LHX8: variants seen among roughly 807,000 people sequenced by gnomAD.
The protein encoded by LHX8 is LIM homeobox 8, also known as LIM/homeobox protein Lhx8.
A neutral mutation model predicts 40.3 loss-of-function variants in LHX8; 12 were observed. That is an observed-to-expected ratio of 0.30 (90% confidence interval 0.19 to 0.48). The LOEUF is 0.48. Among genes scored for constraint, LHX8 ranks in the 20% least tolerant of loss-of-function variants. LHX8 has a pLI of 0.99. For synonymous variants in LHX8, 179 were observed against 162.0 expected (o/e 1.10, Z -0.80); for missense variants, 344 against 433.7 (o/e 0.79, Z 1.84).
At chr1:75,150,869 G>T (rs1223633953) in intron 7 of LHX8, among the ~76,000 whole-genome samples, 2 of 151,888 alleles carry the variant, frequency 1.3e-5, no homozygotes, top group East Asian at 3.9e-4. Flanking sequence ...TAGAGACGGG[G>T]TTTCACCATG....
Position 75,134,557 on chromosome 1 carries a change from G to C in LHX8, c.-410G>C, listed in dbSNP as rs1648064746. ...ATCGGGGCGGGGGAGGGGGGAGATC[G>C]GCAGACACGGACAGCCTCTGACCCT... On this transcript the variant is annotated 5_prime_UTR_variant, in exon 1 of 9. Coordinates refer to ENST00000356261, the MANE Select transcript of LHX8 (RefSeq NM_001256114.2). Among the ~76,000 whole-genome samples the C allele has an allele frequency of 6.6e-6, 1 of 151,912 alleles. No individual in the cohort carries two copies. The highest frequency in any genetic ancestry group is 6.6e-5 in the Admixed American group (1 of 15,248).
the LHX8 span, among the ~76,000 whole-genome samples, chr1:75,184,831 T>TTC: frequency 1.3e-5 from 2 of 150,688 alleles, no homozygotes; most frequent in Non-Finnish European, 3.0e-5. Context: ...GTTTTTTTTT[T>TTC]TTTGGAAAAT....
chr1:75,174,413 T>G, the LHX8 span, among the ~76,000 whole-genome samples: 1 of 152,270 alleles, frequency 6.6e-6, no homozygotes, highest in South Asian at 2.1e-4. Context: ...TCAGCTATAG[T>G]CCCTCCCTAC....
At chr1:75,198,551 C>T in the LHX8 span, among the ~76,000 whole-genome samples, 373 of 152,108 alleles carry the variant, frequency 2.5e-3, 1 homozygote, top group Middle Eastern at 0.014. Flanking sequence ...TGCCTGTGGT[C>T]GCAGAGTGAC....
the LHX8 span, among the ~76,000 whole-genome samples, chr1:75,177,743 G>C: frequency 6.6e-6 from 1 of 152,158 alleles, no homozygotes; most frequent in Non-Finnish European, 1.5e-5. Flanking sequence ...GGGCATCCCT[G>C]TCTTGTGCCA....
At chr1:75,152,686 C>T (rs1426335020) in intron 7 of LHX8, among the ~76,000 whole-genome samples, 1 of 152,142 alleles carries the variant, frequency 6.6e-6, no homozygotes, top group Admixed American at 6.5e-5. Flanking sequence ...TGCATAGGGC[C>T]TTTATACAAA....
chr1:75,157,122 C>A (rs1277461048), intron 8 of LHX8, 46 bp downstream of exon 8: 3 of 1,549,246 alleles, frequency 1.9e-6, no homozygotes, highest in Non-Finnish European at 2.7e-6. Flanking sequence ...CAATCAGCAA[C>A]TGGTAACTTC....
chr1:75,137,687 C>T (rs1648193316), intron 3 of LHX8, among the ~76,000 whole-genome samples: 1 of 152,214 alleles, frequency 6.6e-6, no homozygotes, highest in Non-Finnish European at 1.5e-5. Flanking sequence ...CAGTGACGCC[C>T]ACGCCCATGA....
At chr1:75,133,877 T>G (rs1648039266), upstream of LHX8, among the ~76,000 whole-genome samples, 1 of 152,198 alleles carries the variant, frequency 6.6e-6, no homozygotes, top group Non-Finnish European at 1.5e-5. Context: ...GTTGCTCAGA[T>G]GTTCCTTCTT....
intron 7 of LHX8, among the ~76,000 whole-genome samples, chr1:75,156,024 T>C (rs1648754342): frequency 6.6e-6 from 1 of 151,638 alleles, no homozygotes; most frequent in African/African-American, 2.4e-5. Flanking sequence ...TAAGTTCTGA[T>C]TAAAAGAGCT....
At chr1:75,199,247 G>T in the LHX8 span, among the ~76,000 whole-genome samples, 1 of 152,148 alleles carries the variant, frequency 6.6e-6, no homozygotes, top group East Asian at 1.9e-4. Flanking sequence ...TGTGCTTTAG[G>T]TTCTCCAGCC....
intron 6 of LHX8, among the ~76,000 whole-genome samples, chr1:75,145,270 TACTC>T (rs1395092701): frequency 7.2e-5 from 11 of 152,070 alleles, no homozygotes; most frequent in African/African-American, 2.7e-4. Context: ...CCTGGAAAAA[TACTC>T]AGTCACTAAA....
chr1:75,186,119 A>T, the LHX8 span, among the ~76,000 whole-genome samples: 1 of 152,204 alleles, frequency 6.6e-6, no homozygotes, highest in South Asian at 2.1e-4. Context: ...GTACTGCCCA[A>T]AGCAATTTAT....
chr1:75,164,672 C>A (rs1172528650), downstream of LHX8, among the ~76,000 whole-genome samples: 2 of 150,640 alleles, frequency 1.3e-5, no homozygotes, highest in Non-Finnish European at 2.9e-5. Flanking sequence ...TTTTAAAAAA[C>A]TTTATTTATT....
the LHX8 span, among the ~76,000 whole-genome samples, chr1:75,196,847 C>T: frequency 1.3e-5 from 2 of 152,128 alleles, no homozygotes; most frequent in South Asian, 2.1e-4. Context: ...TACAGGCACA[C>T]GCTGCAGGCA....
chr1:75,163,181 C>T (rs1248802317), downstream of LHX8, among the ~76,000 whole-genome samples: 2 of 152,056 alleles, frequency 1.3e-5, no homozygotes, highest in East Asian at 1.9e-4. Flanking sequence ...CCACATCACT[C>T]GTTGTAAATT....
intron 8 of LHX8, 198 bp from the exon 9 acceptor site, chr1:75,160,621 T>C: frequency 1.7e-6 from 1 of 588,350 alleles, no homozygotes. Flanking sequence ...AAATAAAGAT[T>C]TGGGGGTAAA....
Position 75,143,191 on chromosome 1 carries a change from A to G in LHX8, c.433A>G (p.Asn145Asp). The G allele has an allele frequency of 6.2e-7, 1 of 1,613,798 alleles. No individual in the cohort carries two copies. Among genetic ancestry groups the G allele is most frequent in the Non-Finnish European group, 8.5e-7 (1 of 1,179,776 alleles). The part of the protein sequence containing the change: ...STDWVRRAKG[N>D]VYHLACFACF... ...TGACTGGGTCCGGAGAGCCAAGGGG[A>G]ATGTCTATCACTTGGCATGCTTTGC... Residue 145 changes from asparagine (N) to aspartate (D), a missense_variant, in exon 5 of 9, where the codon AAT becomes GAT. Asn to Asp is a conservative substitution (Grantham distance 23). This residue lies in a region of LHX8 where 147 missense variants were observed against 250.8 expected (regional missense o/e 0.59). Transcript: ENST00000356261.
intron 7 of LHX8, among the ~76,000 whole-genome samples, chr1:75,151,678 A>G (rs1648616821): frequency 6.6e-6 from 1 of 152,228 alleles, no homozygotes; most frequent in Non-Finnish European, 1.5e-5. Context: ...TTTGGCAGGT[A>G]GTTCCGACTC....
Sources: gnomAD v4.1 joint callset for allele counts (sites outside exome capture counted in the v4.1 genomes callset) on GRCh38, gnomAD v4.1.1 for gene constraint, gnomAD v4.1.1 regional missense constraint, MANE v1.5 for transcripts, NCBI Gene and HGNC (gene_info 2026-07-23, HGNC 2026-07-21) for gene names.